Variants in ABCA12 observed in about 807,000 individuals in gnomAD.
ABCA12 encodes ATP binding cassette subfamily A member 12.
Under a neutral mutation model 293.5 loss-of-function variants are expected in ABCA12, and 156 were observed. The ratio of observed to expected loss-of-function variants is 0.53; its 90% CI spans 0.47 to 0.61. The LOEUF is 0.61. Among genes scored for constraint, ABCA12 ranks in the 20% least tolerant of loss-of-function variants. ABCA12 has a pLI of 0.00. For missense variants in ABCA12, 2,797 were observed against 3,090.2 expected (o/e 0.91, Z 2.25); for synonymous variants, 1,063 against 1,108.0 (o/e 0.96, Z 0.81).
chr2:215,127,856 TA>T (rs1702961375), intron 1 of ABCA12, among the ~76,000 whole-genome samples: 1 of 152,104 alleles, frequency 6.6e-6, no homozygotes. Context: ...GTACTTTCTT[TA>T]TTTTGCTTTT....
chr2:214,982,364 G>A lies in ABCA12; in HGVS notation c.4402C>T (p.Leu1468=). The change falls in exon 30 of 53, where the codon CTA becomes TTA. Residue 1468 remains leucine, a synonymous_variant. Coordinates refer to ENST00000272895, the MANE Select transcript of ABCA12 (RefSeq NM_173076.3). ...EVKRTLKDTG[L]YSHRHKRVGT... is the part of the protein sequence containing the mutation. Reference sequence around the variant, plus strand: ...ACTCTCTTATGACGATGGCTATATAGTCCAGTATCTTTTAAAGTCCTTCAA... The same window carrying A: ...ACTCTCTTATGACGATGGCTATATAATCCAGTATCTTTTAAAGTCCTTCAA... 1 of 1,613,772 alleles carries A rather than the reference G, an allele frequency of 6.2e-7. No individual in the cohort carries two copies. Among genetic ancestry groups the A allele is most frequent in the South Asian group, 1.1e-5 (1 of 91,066 alleles).
intron 29 of ABCA12, among the ~76,000 whole-genome samples, chr2:214,983,231 G>A (rs1044329541): frequency 2.0e-5 from 3 of 152,160 alleles, no homozygotes; most frequent in Admixed American, 6.5e-5. Flanking sequence ...GTATTATACT[G>A]AGCATGGAAG....
intron 3 of ABCA12, among the ~76,000 whole-genome samples, chr2:215,061,287 A>G (rs1296041227): frequency 6.6e-6 from 1 of 152,164 alleles, no homozygotes; most frequent in African/African-American, 2.4e-5. Flanking sequence ...TAAATTTAAT[A>G]ACAGAAGGCT....
intron 4 of ABCA12, 71 bp from the exon 5 acceptor site, chr2:215,052,655 C>G: frequency 7.9e-7 from 1 of 1,267,684 alleles, no homozygotes; most frequent in Non-Finnish European, 1.2e-6. Flanking sequence ...ACATGAGAAT[C>G]CATAAACATC....
At chr2:215,056,996 C>T (rs547936020) in intron 3 of ABCA12, among the ~76,000 whole-genome samples, 2 of 152,144 alleles carry the variant, frequency 1.3e-5, no homozygotes, top group African/African-American at 4.8e-5. Context: ...TACCTATTCC[C>T]ACCACTTTTT....
chr2:215,104,979 T>C (rs919441262), intron 2 of ABCA12, among the ~76,000 whole-genome samples: 1 of 152,158 alleles, frequency 6.6e-6, no homozygotes, highest in African/African-American at 2.4e-5. Context: ...CCCTTACCCA[T>C]CTCAGACTCA....
chr2:215,128,649 A>ATT (rs144932488), intron 1 of ABCA12, among the ~76,000 whole-genome samples: 2 of 150,888 alleles, frequency 1.3e-5, no homozygotes, highest in African/African-American at 4.9e-5. Context: ...CTAATTTTGT[A>ATT]TTTTTTTTTC....
In ABCA12 at chr2:215,138,234, T is replaced by C. The variant is rs959491241; in HGVS notation, c.-26A>G. ...CCTTCAAATGCCCCAAATGAGAGAT[T>C]TCCTCTTCTTTTCTCCACTCCACAA... On this transcript the variant is annotated 5_prime_UTR_variant, in exon 1 of 53. Coordinates refer to ENST00000272895, the MANE Select transcript of ABCA12 (RefSeq NM_173076.3). The C allele has an allele frequency of 3.1e-6, 5 of 1,611,936 alleles. No individual in the cohort carries two copies. Among genetic ancestry groups the C allele is most frequent in the Non-Finnish European group, 4.2e-6 (5 of 1,178,242 alleles).
chr2:215,130,570 T>C (rs929144906), intron 1 of ABCA12, among the ~76,000 whole-genome samples: 4 of 152,164 alleles, frequency 2.6e-5, no homozygotes, highest in South Asian at 2.1e-4. Context: ...TTTGAGTATG[T>C]TGATTTTGTA....
At chr2:215,135,394 T>C (rs16853410) in intron 1 of ABCA12, among the ~76,000 whole-genome samples, 12,413 of 152,288 alleles carry the variant, frequency 0.082, 1,164 homozygotes, top group African/African-American at 0.23. Flanking sequence ...TAACTTCTTC[T>C]CTTTTGAATT....
intron 23 of ABCA12, 142 bp from the exon 24 acceptor site, chr2:214,991,173 T>C (rs1880134): frequency 1.3e-6 from 1 of 765,826 alleles, no homozygotes; most frequent in East Asian, 2.7e-5. Context: ...AATCAAGAAT[T>C]TATCCATGCT....
At chr2:214,944,351 G>T (rs1698507402) in intron 49 of ABCA12, among the ~76,000 whole-genome samples, 1 of 151,988 alleles carries the variant, frequency 6.6e-6, no homozygotes, top group South Asian at 2.1e-4. Flanking sequence ...GGTGGAGGTT[G>T]CAGTGAGCAG....
rs80285666 is a variant in ABCA12, at chr2:215,105,016, T to C, written c.163+6581A>G. Among the ~76,000 whole-genome samples the C allele has an allele frequency of 4.0e-3, 614 of 152,310 alleles. 5 individuals carry two copies. Among genetic ancestry groups the C allele is most frequent in the South Asian group, 0.017 (81 of 4,824 alleles). ...ATTGAGTTTTTTTTACTATCTATCA[T>C]TGAGTGAATTTTGTAATCCAGTCAC... On this transcript the variant is annotated intron_variant, in intron 2 of 52. Coordinates refer to ENST00000272895, the MANE Select transcript of ABCA12 (RefSeq NM_173076.3).
At position 215,019,576 on chromosome 2, in the gene ABCA12, G is replaced by C; in HGVS notation, c.1508C>G (p.Thr503Ser). The change falls in exon 12 of 53, where the codon ACT becomes AGT. Residue 503 changes from threonine (T) to serine (S), a missense_variant. Thr to Ser is a moderately conservative substitution (Grantham distance 58). Around this residue, in one of 3 missense-constraint regions of ABCA12, gnomAD observed 656 missense variants for 638.2 expected, o/e 1.03. Coordinates refer to ENST00000272895, the MANE Select transcript of ABCA12 (RefSeq NM_173076.3). Reference protein sequence around the residue: ...VISKKVRDLLTGDPSKINLNM... With the variant: ...VISKKVRDLLSGDPSKINLNM... ...TAAATTAATTTTGCTTGGATCTCCA[G>C]TCAGCAAATCTCTCACTTTTTTAGA... The C allele has an allele frequency of 6.2e-7, 1 of 1,614,182 alleles. No homozygotes were observed. Among genetic ancestry groups the C allele is most frequent in the East Asian group, 2.2e-5 (1 of 44,882 alleles).
intron 6 of ABCA12, among the ~76,000 whole-genome samples, chr2:215,048,062 G>GA (rs748970933): frequency 1.8e-4 from 27 of 151,330 alleles, no homozygotes; most frequent in African/African-American, 6.5e-4. Flanking sequence ...ACAAGCATAT[G>GA]AAAAAAAGCT....
At chr2:215,011,725 C>G in intron 16 of ABCA12, 76 bp from the exon 17 acceptor site, 1 of 1,347,188 alleles carries the variant, frequency 7.4e-7, no homozygotes, top group South Asian at 1.2e-5. Context: ...AGAAAGAGAA[C>G]CTGATAATAC....
At chr2:214,987,609 T>C in intron 27 of ABCA12, 38 bp downstream of exon 27, 4 of 1,589,882 alleles carry the variant, frequency 2.5e-6, no homozygotes, top group Non-Finnish European at 3.4e-6. Context: ...ATATCATTTC[T>C]CTCATAACAA....
At chr2:215,054,861 G>A (rs1383465537) in intron 3 of ABCA12, among the ~76,000 whole-genome samples, 197 bp from the exon 4 acceptor site, 1 of 151,984 alleles carries the variant, frequency 6.6e-6, no homozygotes, top group Non-Finnish European at 1.5e-5. Flanking sequence ...TTTTTATTCA[G>A]AGAAAATGGC....
intron 1 of ABCA12, among the ~76,000 whole-genome samples, chr2:215,136,975 T>C (rs1184472630): frequency 6.6e-6 from 1 of 152,014 alleles, no homozygotes; most frequent in African/African-American, 2.4e-5. Context: ...CCCAGGATCC[T>C]TTCCCTGCTT....
Sources: gnomAD v4.1 joint callset for allele counts (sites outside exome capture counted in the v4.1 genomes callset) on GRCh38, gnomAD v4.1.1 for gene constraint, gnomAD v4.1.1 regional missense constraint, MANE v1.5 for transcripts, NCBI Gene and HGNC (gene_info 2026-07-23, HGNC 2026-07-21) for gene names.